Variants in FYB1 observed in about 807,000 individuals in gnomAD.
FYB1 encodes FYN-binding protein 1.
In FYB1, 41 loss-of-function variants were observed where a neutral mutation model predicts 94.1. The observed-to-expected ratio is 0.44, with a 90% CI of 0.34 to 0.57. FYB1 has a LOEUF of 0.57. Ranked by LOEUF, FYB1 falls within the 20% of genes least tolerant of loss-of-function variation. FYB1 has a pLI of 0.02. For synonymous variants in FYB1, 367 were observed against 353.2 expected, an observed-to-expected ratio of 1.04 and a Z score of -0.44; for missense variants, 1,050 against 976.8, an observed-to-expected ratio of 1.07 and a Z score of -1.00.
chr5:39,109,181 C>A (rs1738822353), intron 17 of FYB1, among the ~76,000 whole-genome samples: 1 of 151,974 alleles, frequency 6.6e-6, no homozygotes, highest in South Asian at 2.1e-4. Flanking sequence ...CAAACTGCTG[C>A]CAACTATGGC....
At chr5:39,265,516 G>A (rs1455837654) in intron 1 of FYB1, among the ~76,000 whole-genome samples, 1 of 150,290 alleles carries the variant, frequency 6.7e-6, no homozygotes, top group African/African-American at 2.4e-5. Context: ...AATTAGCTGG[G>A]GATGGTGGTG....
At chr5:39,254,761 G>A (rs928827726) in intron 1 of FYB1, among the ~76,000 whole-genome samples, 1 of 152,184 alleles carries the variant, frequency 6.6e-6, no homozygotes, top group Non-Finnish European at 1.5e-5. Flanking sequence ...GGTGCTTGAT[G>A]AGAATTTCAA....
chr5:39,220,917 A>G (rs1000869177), upstream of FYB1, among the ~76,000 whole-genome samples: 2 of 152,252 alleles, frequency 1.3e-5, no homozygotes, highest in Non-Finnish European at 2.9e-5. Flanking sequence ...AATGATGGTA[A>G]CAATGATGAT....
Position 39,107,067 on chromosome 5 carries a change from T to C in FYB1, c.*376A>G, listed in dbSNP as rs1738583004. The C allele has an allele frequency of 6.4e-6, 1 of 155,672 alleles. No homozygotes were observed. Among genetic ancestry groups the C allele is most frequent in the Non-Finnish European group, 1.4e-5 (1 of 70,412 alleles). The allele number at this position is 155,672 out of a possible 1,614,324, so 9.6% of individuals were successfully genotyped here. On this transcript the variant is annotated 3_prime_UTR_variant, in exon 19 of 19. Transcript: ENST00000512982. ...TCCTTTCTTATATTATTATTCTTCC[T>C]TAGGTTTTTTTAGACAGGTCATTTC...
chr5:39,179,819 T>A (rs565036017), intron 2 of FYB1, among the ~76,000 whole-genome samples: 1 of 152,098 alleles, frequency 6.6e-6, no homozygotes, highest in South Asian at 2.1e-4. Flanking sequence ...GGCCTGCACA[T>A]GCAAGTCTAT....
chr5:39,255,248 T>C (rs1554045271), intron 1 of FYB1, among the ~76,000 whole-genome samples: 1 of 152,162 alleles, frequency 6.6e-6, no homozygotes, highest in Non-Finnish European at 1.5e-5. Flanking sequence ...TTCCCAGCTC[T>C]ACTTGCCCAG....
intron 1 of FYB1, among the ~76,000 whole-genome samples, chr5:39,219,223 C>G (rs1271047228): frequency 6.6e-6 from 1 of 152,152 alleles, no homozygotes; most frequent in African/African-American, 2.4e-5. Context: ...AGACACGTTC[C>G]CGGCCACATT....
At chr5:39,231,163 A>AAAAAAAAAAAAAAAAAC (rs1561294075) in intron 1 of FYB1, among the ~76,000 whole-genome samples, 2 of 118,952 alleles carry the variant, frequency 1.7e-5, no homozygotes, top group African/African-American at 4.1e-5. Flanking sequence ...AAAAAAAAAC[A>AAAAAAAAAAAAAAAAAC]AAAAAAAACA....
chr5:39,169,564 G>A, intron 2 of FYB1: 5 of 515,064 alleles, frequency 9.7e-6, no homozygotes, highest in South Asian at 6.3e-5. Flanking sequence ...ACCAAGGAGG[G>A]CCAGATGCAG....
intron 2 of FYB1, chr5:39,169,978 G>T: frequency 1.4e-6 from 1 of 695,138 alleles, no homozygotes; most frequent in South Asian, 1.5e-5. Flanking sequence ...ATCAGGTTCT[G>T]ACTTTCTTGT....
chr5:39,174,273 G>A (rs974173176), intron 2 of FYB1, among the ~76,000 whole-genome samples: 3 of 152,154 alleles, frequency 2.0e-5, no homozygotes, highest in Non-Finnish European at 4.4e-5. Flanking sequence ...ATATAAAAAT[G>A]CTACTGATTT....
intron 1 of FYB1, among the ~76,000 whole-genome samples, chr5:39,211,750 A>T (rs1399792383): frequency 6.6e-6 from 1 of 152,086 alleles, no homozygotes; most frequent in African/African-American, 2.4e-5. Flanking sequence ...GTTATGCTTT[A>T]TTTTTTCCCT....
rs192713182 is a variant in FYB1 at position 39,117,764 on chromosome 5, C to A, written c.2401+1110G>T. Reference sequence around the variant, plus strand: ...GATTGACCAAGCTGATATGGGGCAGCTGTAGTGGCTATCCAGTTTCAAATA... The same window carrying A: ...GATTGACCAAGCTGATATGGGGCAGATGTAGTGGCTATCCAGTTTCAAATA... On this transcript the variant is annotated intron_variant, in intron 16 of 18. Coordinates refer to ENST00000512982, the MANE Select transcript of FYB1 (RefSeq NM_001465.6). Among the ~76,000 whole-genome samples the A allele has an allele frequency of 6.5e-3, 992 of 152,284 alleles. 13 individuals carry two copies. Among genetic ancestry groups the A allele is most frequent in the African/African-American group, 0.023 (945 of 41,574 alleles).
At chr5:39,136,407 T>G (rs961913744) in intron 7 of FYB1, among the ~76,000 whole-genome samples, 2 of 152,178 alleles carry the variant, frequency 1.3e-5, no homozygotes, top group African/African-American at 4.8e-5. Flanking sequence ...AAATTAATTT[T>G]TCACTTGAAA....
chr5:39,209,749 A>G (rs968573381), intron 1 of FYB1, among the ~76,000 whole-genome samples: 3 of 152,208 alleles, frequency 2.0e-5, no homozygotes, highest in Non-Finnish European at 4.4e-5. Context: ...CCGGCAAACA[A>G]GCAGACACAT....
Position 39,137,694 on chromosome 5 carries a change from T to C in FYB1, c.1421A>G (p.Lys474Arg). The part of the protein sequence containing the change: ...DIEASKEREK[K>R]REKEEKKRLE... ...CCTCTTCTTTTCTTCCTTTTCCCTTTTCTTCTCTCTTTCTTTGGATGCTTC... is the reference window on the plus strand; with the variant it reads ...CCTCTTCTTTTCTTCCTTTTCCCTTCTCTTCTCTCTTTCTTTGGATGCTTC... The change falls in exon 7 of 19, where the codon AAA (lysine) becomes AGA (arginine). Residue 474 changes from lysine (K) to arginine (R), a missense_variant. By Grantham distance (26) the Lys-to-Arg change is conservative. Coordinates refer to ENST00000512982, the MANE Select transcript of FYB1 (RefSeq NM_001465.6). 6.5e-7 allele frequency: 1 copy of C among 1,549,092 alleles called. No homozygotes were observed. The highest frequency in any genetic ancestry group is 8.7e-7 in the Non-Finnish European group (1 of 1,144,700).
intron 1 of FYB1, among the ~76,000 whole-genome samples, chr5:39,244,623 A>C (rs1751384868): frequency 6.6e-6 from 1 of 151,966 alleles, no homozygotes; most frequent in Non-Finnish European, 1.5e-5. Context: ...TGTCTCTGCC[A>C]GGCTTTGGTA....
intron 14 of FYB1, among the ~76,000 whole-genome samples, chr5:39,121,319 C>G (rs1459909002): frequency 2.6e-5 from 4 of 151,420 alleles, no homozygotes; most frequent in African/African-American, 9.7e-5. Flanking sequence ...GGCAACGGCT[C>G]TCTTTTCATC....
At chr5:39,124,025 G>A (rs1010210431) in intron 13 of FYB1, among the ~76,000 whole-genome samples, 1 of 152,076 alleles carries the variant, frequency 6.6e-6, no homozygotes, top group Non-Finnish European at 1.5e-5. Flanking sequence ...CCCAATAGTG[G>A]CTCTTGGAAG....
Sources: gnomAD v4.1 joint callset for allele counts (sites outside exome capture counted in the v4.1 genomes callset) on GRCh38, gnomAD v4.1.1 for gene constraint, MANE v1.5 for transcripts, NCBI Gene and HGNC (gene_info 2026-07-23, HGNC 2026-07-21) for gene names.